The following RHEB variants were observed in gnomAD, a reference collection of about 807,000 sequenced individuals.
RHEB encodes the protein Ras homolog, mTORC1 binding, also known as GTP-binding protein Rheb.
Under a neutral mutation model 28.8 loss-of-function variants are expected in RHEB, and 2 were observed. The ratio of observed to expected loss-of-function variants is 0.07; its 90% CI spans 0.03 to 0.22. RHEB has a LOEUF of 0.22. RHEB is among the 10% of genes least tolerant of loss of function. The pLI, the probability that RHEB is intolerant of heterozygous loss-of-function variation, is 1.00. For missense variants in RHEB, 76 were observed against 219.9 expected, an observed-to-expected ratio of 0.35 and a Z score of 4.14; for synonymous variants, 69 against 77.3, an observed-to-expected ratio of 0.89 and a Z score of 0.56.
At chr7:151,471,747 T>C (rs1190842074) in intron 4 of RHEB, 142 bp from the exon 5 acceptor site, 1 of 612,732 alleles carries the variant, frequency 1.6e-6, no homozygotes. Flanking sequence ...AGAACTCCTG[T>C]TTTTTCCTAG....
At chr7:151,513,050 A>C (rs1353807828) in intron 1 of RHEB, among the ~76,000 whole-genome samples, 1 of 152,218 alleles carries the variant, frequency 6.6e-6, no homozygotes, top group Non-Finnish European at 1.5e-5. Context: ...TTTCTACTTA[A>C]CAGTGTCCTT....
In RHEB at chr7:151,468,919, G is replaced by C. The variant is rs970468157; in HGVS notation, c.462+1652C>G. Among the ~76,000 whole-genome samples the C allele has an allele frequency of 6.6e-6, 1 of 152,250 alleles. No homozygotes were observed. The highest frequency in any genetic ancestry group is 2.4e-5 in the African/African-American group (1 of 41,462). On this transcript the variant is annotated intron_variant, in intron 7 of 7. Coordinates refer to ENST00000262187, the MANE Select transcript of RHEB (RefSeq NM_005614.4). This position sits in a 1 kb window ranked among gnomAD's most constrained non-coding sequence, Gnocchi z 4.3. ...TCTTATACCACGTAAGGTAGTGGGT[G>C]ATCTTAGAAAAGTCATTTAACTTCT...
chr7:151,491,676 GCAGTGGGC>G (rs1211653798), intron 1 of RHEB, among the ~76,000 whole-genome samples: 1 of 151,926 alleles, frequency 6.6e-6, no homozygotes, highest in East Asian at 1.9e-4. Flanking sequence ...GGCAGAGGCT[GCAGTGGGC>G]CAAGATTGCA....
At chr7:151,475,313 T>G (rs560284108) in intron 4 of RHEB, among the ~76,000 whole-genome samples, 1 of 152,362 alleles carries the variant, frequency 6.6e-6, no homozygotes, top group South Asian at 2.1e-4. Context: ...ATTTTCTACC[T>G]ACTACTTTAA....
chr7:151,502,476 G>C (rs1321799960), intron 1 of RHEB: 1 of 882,294 alleles, frequency 1.1e-6, no homozygotes, highest in African/African-American at 1.6e-5. Context: ...GTTTACTGTG[G>C]AACAACTGTA....
At chr7:151,474,528 A>G (rs111965185) in intron 4 of RHEB, among the ~76,000 whole-genome samples, 3,349 of 152,218 alleles carry the variant, frequency 0.022, 117 homozygotes, top group African/African-American at 0.072. Flanking sequence ...CAGATAGGAG[A>G]GATCTACTCC....
chr7:151,502,050 A>G, intron 1 of RHEB: 1 of 417,822 alleles, frequency 2.4e-6, no homozygotes, highest in Middle Eastern at 7.1e-4. Flanking sequence ...TGCCTGGCCA[A>G]TATGGTGAAA....
chr7:151,498,215 G>A lies in RHEB; in HGVS notation c.53-7201C>T, dbSNP rs1352600479. The A allele has an allele frequency of 9.6e-6, 11 of 1,140,630 alleles. No individual in the cohort carries two copies. The South Asian group carries it at 1.2e-4, about 12-fold the overall frequency. 70.7% of individuals were successfully genotyped at this position (1,140,630 alleles called of 1,614,324 possible). A position where few individuals can be genotyped will look rare whatever the true frequency, so the allele number is the denominator to read the frequency against. ...AAAGGTCAGGTAAATAGAGTTTAAA[G>A]TACTGGAGGCAATTAAGGAAGAGGA... is the stretch of plus-strand genomic sequence containing the variant. On this transcript the variant is annotated intron_variant, in intron 1 of 7. Coordinates refer to ENST00000262187, the MANE Select transcript of RHEB (RefSeq NM_005614.4).
intron 1 of RHEB, chr7:151,503,356 T>G: frequency 1.1e-6 from 1 of 925,216 alleles, no homozygotes; most frequent in Non-Finnish European, 1.8e-6. Flanking sequence ...CGGGTCTCGG[T>G]TTGTGAAAGG....
intron 6 of RHEB, among the ~76,000 whole-genome samples, 175 bp from the exon 7 acceptor site, chr7:151,470,827 T>C (rs1802148900): frequency 1.3e-5 from 2 of 152,252 alleles, no homozygotes; most frequent in South Asian, 4.1e-4. Flanking sequence ...TAATTACGCC[T>C]GAGCTGGGGA....
intron 3 of RHEB, among the ~76,000 whole-genome samples, chr7:151,478,491 C>T (rs1461654276): frequency 6.6e-6 from 1 of 151,820 alleles, no homozygotes; most frequent in Admixed American, 6.6e-5. Flanking sequence ...ACTAGCTCAG[C>T]TAGAGTAGGT....
At chr7:151,487,343 G>A (rs928504120) in intron 2 of RHEB, among the ~76,000 whole-genome samples, 1 of 152,150 alleles carries the variant, frequency 6.6e-6, no homozygotes, top group Non-Finnish European at 1.5e-5. Context: ...CAGAGCTGGG[G>A]GGAGAGGTTG....
intron 1 of RHEB, among the ~76,000 whole-genome samples, chr7:151,509,895 G>T (rs1275380765): frequency 6.6e-6 from 1 of 152,202 alleles, no homozygotes; most frequent in African/African-American, 2.4e-5. Flanking sequence ...CAAAGGCAAA[G>T]TAGAATAGCT....
At chr7:151,490,833 G>A (rs187995059) in intron 2 of RHEB, 110 bp downstream of exon 2, 1 of 838,832 alleles carries the variant, frequency 1.2e-6, no homozygotes, top group Non-Finnish European at 2.1e-6. Flanking sequence ...ACCCCAATTG[G>A]GAGACACACA....
At chr7:151,511,073 G>A (rs944533300) in intron 1 of RHEB, among the ~76,000 whole-genome samples, 4 of 151,076 alleles carry the variant, frequency 2.6e-5, no homozygotes, top group African/African-American at 7.3e-5. Flanking sequence ...GTGAGACTCC[G>A]TCTCAAAAAA....
At chr7:151,491,689 A>G (rs1414751562) in intron 1 of RHEB, among the ~76,000 whole-genome samples, 1 of 151,948 alleles carries the variant, frequency 6.6e-6, no homozygotes, top group African/African-American at 2.4e-5. Flanking sequence ...GTGGGCCAAG[A>G]TTGCACCACT....
intron 1 of RHEB, chr7:151,501,870 G>T: frequency 3.2e-6 from 2 of 620,964 alleles, no homozygotes; most frequent in South Asian, 1.5e-5. Flanking sequence ...GGAAGAGGAG[G>T]CAAGAAGATG....
chr7:151,484,037 A>G (rs1322253446), intron 3 of RHEB, among the ~76,000 whole-genome samples: 1 of 152,108 alleles, frequency 6.6e-6, no homozygotes, highest in African/African-American at 2.4e-5. Flanking sequence ...AAACTCCCTA[A>G]TCTAGTAATC....
intron 4 of RHEB, 83 bp from the exon 5 acceptor site, chr7:151,471,688 G>GT: frequency 1.1e-6 from 1 of 880,522 alleles, no homozygotes. Context: ...CTGGAAAAAT[G>GT]TAAAATGTCA....
Sources: gnomAD v4.1 joint callset for allele counts (sites outside exome capture counted in the v4.1 genomes callset) on GRCh38, gnomAD v4.1.1 for gene constraint, Gnocchi (gnomAD v3.1) non-coding constraint, MANE v1.5 for transcripts, NCBI Gene and HGNC (gene_info 2026-07-23, HGNC 2026-07-21) for gene names.